The following SEM1 variants were observed in gnomAD, a reference collection of about 807,000 sequenced individuals.
SEM1 encodes SEM1 26S proteasome subunit, also known as 26S proteasome complex subunit SEM1.
A neutral mutation model predicts 12.7 loss-of-function variants in SEM1; 3 were observed. That is an observed-to-expected ratio of 0.24 (90% CI 0.11 to 0.61). The LOEUF (loss-of-function observed/expected upper bound fraction) is 0.61. SEM1 is among the 20% of genes least tolerant of loss of function. The probability of loss-of-function intolerance (pLI) is 0.88; values close to 1 mark genes in which losing one functional copy is unlikely to be tolerated. For missense variants in SEM1, 59 were observed against 81.3 expected, an observed-to-expected ratio of 0.73 and a Z score of 1.06; for synonymous variants, 30 against 27.8, an observed-to-expected ratio of 1.08 and a Z score of -0.25.
intron 2 of SEM1, among the ~76,000 whole-genome samples, chr7:96,542,773 A>G (rs1430311625): frequency 1.3e-5 from 2 of 151,834 alleles, no homozygotes; most frequent in Non-Finnish European, 2.9e-5. Flanking sequence ...AAATTGCCAC[A>G]AATTTTGGGG....
In SEM1 at chr7:96,706,623, C is replaced by T. The variant is rs377011559; in HGVS notation, c.76+3065G>A. Among the ~76,000 whole-genome samples, 115 of 150,650 alleles carry T rather than the reference C, an allele frequency of 7.6e-4. 1 individual carries two copies. In the South Asian group the frequency reaches 0.024, roughly 32 times the overall value. ...GAGAGAGAAGAAACAATAAAAATTC[C>T]CTTTCCTTAAAATGATTAAATGAAC... On this transcript the variant is annotated intron_variant, in intron 1 of 2. Coordinates refer to ENST00000248566, the MANE Select transcript of SEM1 (RefSeq NM_006304.2).
chr7:96,562,978 A>G (rs1805735503), intron 2 of SEM1, among the ~76,000 whole-genome samples: 1 of 152,212 alleles, frequency 6.6e-6, no homozygotes, highest in Admixed American at 6.5e-5. Context: ...AAGTCATTGG[A>G]AGATGATAAG....
upstream of SEM1, among the ~76,000 whole-genome samples, chr7:96,499,527 C>T (rs117871948): frequency 0.012 from 1,823 of 152,254 alleles, 29 homozygotes; most frequent in Admixed American, 0.041. Context: ...TTGAACAAAG[C>T]GAGTCAATTT....
At chr7:96,630,214 AG>A (rs1388605061) in intron 2 of SEM1, among the ~76,000 whole-genome samples, 1 of 152,210 alleles carries the variant, frequency 6.6e-6, no homozygotes, top group Non-Finnish European at 1.5e-5. Context: ...TCTTCCTTTC[AG>A]GTGGTGAGTT....
chr7:96,551,391 A>G (rs932440145), intron 2 of SEM1, among the ~76,000 whole-genome samples: 9 of 152,198 alleles, frequency 5.9e-5, no homozygotes, highest in African/African-American at 2.2e-4. Context: ...AAATCAAATG[A>G]TAAGTGTCTT....
intron 2 of SEM1, among the ~76,000 whole-genome samples, chr7:96,570,534 T>C (rs1805987815): frequency 6.6e-6 from 1 of 152,222 alleles, no homozygotes; most frequent in African/African-American, 2.4e-5. Context: ...CTCATCCTTT[T>C]TATGGCTACA....
At chr7:96,585,231 T>G (rs1267375445) in intron 2 of SEM1, among the ~76,000 whole-genome samples, 6 of 152,198 alleles carry the variant, frequency 3.9e-5, no homozygotes, top group Non-Finnish European at 8.8e-5. Context: ...CCCTGCCGTG[T>G]GAGGTGTCAG....
chr7:96,635,142 T>C (rs1182076145), intron 2 of SEM1, among the ~76,000 whole-genome samples: 3 of 152,056 alleles, frequency 2.0e-5, no homozygotes, highest in Non-Finnish European at 2.9e-5. Context: ...AAAGATTGAA[T>C]TGGGACACTG....
At chr7:96,691,305 T>G (rs1258415168) in intron 2 of SEM1, among the ~76,000 whole-genome samples, 1 of 152,172 alleles carries the variant, frequency 6.6e-6, no homozygotes, top group African/African-American at 2.4e-5. Flanking sequence ...ATGGACAGTT[T>G]TTATTTAACA....
At chr7:96,607,320 G>T (rs1807410598) in intron 2 of SEM1, among the ~76,000 whole-genome samples, 1 of 152,274 alleles carries the variant, frequency 6.6e-6, no homozygotes, top group African/African-American at 2.4e-5. Flanking sequence ...TAGTTCTTCA[G>T]TGATAACATA....
At chr7:96,667,145 A>G (rs1789191461) in intron 2 of SEM1, among the ~76,000 whole-genome samples, 1 of 152,126 alleles carries the variant, frequency 6.6e-6, no homozygotes, top group African/African-American at 2.4e-5. Context: ...ATTTATTCCA[A>G]TCGTTGCATA....
In SEM1 at chr7:96,491,985, T is replaced by C. The variant is rs148600697; in HGVS notation, c.12+4299A>G. 1.7e-3 allele frequency among the ~76,000 whole-genome samples: 260 copies of C among 152,298 alleles called. 1 individual carries two copies. The highest frequency in any genetic ancestry group is 6.1e-3 in the African/African-American group (252 of 41,570). Reference sequence around the variant, plus strand: ...CTATGTTTGAATTCAGGTGTACAGATTCCACTTGTTTCTTGGAAGCACTTC... The same window carrying C: ...CTATGTTTGAATTCAGGTGTACAGACTCCACTTGTTTCTTGGAAGCACTTC... On this transcript the variant is annotated intron_variant, in intron 1 of 3. Coordinates refer to the SEM1 transcript ENST00000356686.
At chr7:96,684,184 A>G (rs1205212993), downstream of SEM1, among the ~76,000 whole-genome samples, 1 of 152,120 alleles carries the variant, frequency 6.6e-6, no homozygotes, top group Non-Finnish European at 1.5e-5. Flanking sequence ...AGCAATTGAG[A>G]CTACATGCTC....
chr7:96,505,837 G>A (rs1376539358), intron 3 of SEM1, among the ~76,000 whole-genome samples: 1 of 151,980 alleles, frequency 6.6e-6, no homozygotes, highest in East Asian at 1.9e-4. Flanking sequence ...CATCACCTTG[G>A]GAATTAGGAT....
At chr7:96,583,991 G>A (rs1214592433) in intron 2 of SEM1, among the ~76,000 whole-genome samples, 2 of 151,934 alleles carry the variant, frequency 1.3e-5, no homozygotes, top group African/African-American at 2.4e-5. Context: ...ATATTGTTAT[G>A]TGTGAATTTG....
At chr7:96,529,097 T>C (rs1331757699) in intron 2 of SEM1, among the ~76,000 whole-genome samples, 2 of 152,134 alleles carry the variant, frequency 1.3e-5, no homozygotes, top group African/African-American at 4.8e-5. Flanking sequence ...CCTCATCCCT[T>C]ATGATACAAA....
Position 96,570,198 on chromosome 7 carries a change from C to CTTT in SEM1, c.171-63503_171-63501dup, listed in dbSNP as rs777955274. On this transcript the variant is annotated intron_variant and NMD_transcript_variant, in intron 2 of 3. Transcript: ENST00000466986. Reference sequence around the variant, plus strand: ...ACTTGCCAGCATCTGCATTTTTTGACTTTTTTTTTTTTAATACTTTAAGTT... The same window carrying CTTT: ...ACTTGCCAGCATCTGCATTTTTTGACTTTTTTTTTTTTTTTAATACTTTAAGTT... Among the ~76,000 whole-genome samples, 6 of 142,076 alleles carry CTTT rather than the reference C, an allele frequency of 4.2e-5. No homozygotes were observed. In the South Asian group the frequency reaches 9.0e-4, roughly 21 times the overall value. The allele number at this position is 142,076 out of a possible 152,430, so 93.2% of individuals were successfully genotyped here.
chr7:96,574,204 T>A (rs1159152605), intron 2 of SEM1, among the ~76,000 whole-genome samples: 1 of 152,152 alleles, frequency 6.6e-6, no homozygotes, highest in Non-Finnish European at 1.5e-5. Flanking sequence ...TTTGTCCTTG[T>A]GATAGTTTGC....
chr7:96,663,072 A>C (rs1789061392), intron 2 of SEM1, among the ~76,000 whole-genome samples: 1 of 151,960 alleles, frequency 6.6e-6, no homozygotes, highest in Non-Finnish European at 1.5e-5. Flanking sequence ...TTTAAGAAAG[A>C]CTCTATTAGA....
Sources: gnomAD v4.1 joint callset for allele counts (sites outside exome capture counted in the v4.1 genomes callset) on GRCh38, gnomAD v4.1.1 for gene constraint, MANE v1.5 for transcripts, NCBI Gene and HGNC (gene_info 2026-07-23, HGNC 2026-07-21) for gene names.